SETD1B: variants seen among roughly 807,000 people sequenced by gnomAD.
SETD1B encodes SET domain containing 1B, histone lysine methyltransferase, also known as histone-lysine N-methyltransferase SETD1B.
SETD1B carries 7 observed loss-of-function variants against 148.0 expected under a neutral mutation model. The ratio of observed to expected loss-of-function variants is 0.05; its 90% CI spans 0.03 to 0.09. SETD1B has a LOEUF of 0.09. SETD1B is among the 10% of genes least tolerant of loss of function. SETD1B has a pLI of 1.00. For missense variants in SETD1B, 2,155 were observed against 2,729.9 expected (o/e 0.79, Z 4.69); for synonymous variants, 1,361 against 1,186.5 (o/e 1.15, Z -3.02).
chr12:121,817,734 G>T lies in SETD1B; in HGVS notation c.3312+30G>T, dbSNP rs762943850. The T allele has an allele frequency of 1.1e-5, 17 of 1,537,628 alleles. No individual in the cohort carries two copies. Among genetic ancestry groups the T allele is most frequent in the Non-Finnish European group, 1.5e-5 (17 of 1,137,056 alleles). On this transcript the variant is annotated intron_variant, in intron 9 of 16. Coordinates refer to ENST00000604567, the MANE Select transcript of SETD1B (RefSeq NM_001353345.2). The surrounding 1 kb of genome is among the most constrained non-coding windows in gnomAD (Gnocchi z 8.1). ...CTAGCAGGCCAGGAAGCCTCAGGGG[G>T]CCGGGCCAGGCGACGAGGGCCAGAC...
Position 121,817,580 on chromosome 12 carries a change from C to T in SETD1B, c.3188C>T (p.Ser1063Leu), listed in dbSNP as rs1353740009. 2.0e-5 allele frequency: 31 copies of T among 1,551,070 alleles called. No individual in the cohort carries two copies. The highest frequency in any genetic ancestry group is 2.4e-5 in the Non-Finnish European group (28 of 1,146,590). The change falls in exon 9 of 17, where the codon TCG (serine) becomes TTG (leucine). Residue 1063 changes from serine (S) to leucine (L), a missense_variant. Physicochemically the swap from Ser to Leu is moderately radical, Grantham distance 145. Transcript: ENST00000604567. This position sits in a 1 kb window ranked among gnomAD's most constrained non-coding sequence, Gnocchi z 8.1. The part of the protein sequence containing the change: ...SGSSTTSPSS[S>L]ASDKEEEQES... ...TCCTCAACCACCTCACCCTCGTCCT[C>T]GGCCTCCGACAAGGAGGAGGAACAG...
At chr12:121,813,172 T>C (rs1876121223) in intron 6 of SETD1B, among the ~76,000 whole-genome samples, 1 of 152,180 alleles carries the variant, frequency 6.6e-6, no homozygotes. Context: ...TTATTAACTG[T>C]CAAATGGGTC....
Position 121,830,167 on chromosome 12 carries a change from T to C in SETD1B, c.5829T>C (p.Tyr1943=). ...TCAATGAGGAGATTACCTATGACTA[T>C]AAGTTCCCCATCGAGGACGTCAAGA... ...INVNEEITYD[Y]KFPIEDVKIP... Residue 1943 remains tyrosine, a synonymous_variant, in exon 17 of 17, where the codon TAT becomes TAC. Transcript: ENST00000604567. The surrounding 1 kb of genome is among the most constrained non-coding windows in gnomAD (Gnocchi z 5.7). 1 of 1,551,522 alleles carries C rather than the reference T, an allele frequency of 6.4e-7. No individual in the cohort carries two copies. Among genetic ancestry groups the C allele is most frequent in the Non-Finnish European group, 8.7e-7 (1 of 1,146,890 alleles).
Position 121,830,268 on chromosome 12 carries a change from G to T in SETD1B, c.*29G>T. 1 of 1,542,972 alleles carries T rather than the reference G, an allele frequency of 6.5e-7. No individual in the cohort carries two copies. On this transcript the variant is annotated 3_prime_UTR_variant, in exon 17 of 17. Coordinates refer to ENST00000604567, the MANE Select transcript of SETD1B (RefSeq NM_001353345.2). The surrounding 1 kb of genome is among the most constrained non-coding windows in gnomAD (Gnocchi z 5.7). ...CCGGCACCAGACTCAAAGGATGTCAGCCGTAGCCCTGGGACTCCCGAGCGT... is the reference window on the plus strand; with the variant it reads ...CCGGCACCAGACTCAAAGGATGTCATCCGTAGCCCTGGGACTCCCGAGCGT...
rs545932945 is a variant in SETD1B at position 121,814,516 on chromosome 12, G to A, written c.2301G>A (p.Gln767=). 4 of 1,469,288 alleles carry A rather than the reference G, an allele frequency of 2.7e-6. No individual in the cohort carries two copies. The highest frequency in any genetic ancestry group is 3.6e-6 in the Non-Finnish European group (4 of 1,104,732). 91.0% of individuals were successfully genotyped at this position (1,469,288 alleles called of 1,614,324 possible). A position where few individuals can be genotyped will look rare whatever the true frequency, so the allele number is the denominator to read the frequency against. Residue 767 remains glutamine (Q), a synonymous_variant, in exon 7 of 17, where the codon CAG becomes CAA. Coordinates refer to ENST00000604567, the MANE Select transcript of SETD1B (RefSeq NM_001353345.2). The part of the protein sequence containing the change: ...QVDMSHVLGG[Q]WGGMPMSFQM... The stretch of plus-strand genomic sequence containing the variant: ...ACATGAGCCACGTGCTGGGTGGCCA[G>A]TGGGGCGGCATGCCCATGTCCTTCC...
chr12:121,799,731 T>TGGGGGAG (rs1308261766), upstream of SETD1B: 6 of 31,728 alleles, frequency 1.9e-4, no homozygotes, highest in African/African-American at 5.1e-4. Flanking sequence ...GGGGGGGGGG[T>TGGGGGAG]GGGGTGGGGC....
Position 121,819,743 on chromosome 12 carries a change from C to A in SETD1B, c.3758C>A (p.Pro1253His). 1.3e-6 allele frequency: 2 copies of A among 1,551,378 alleles called. No individual in the cohort carries two copies. The highest frequency in any genetic ancestry group is 4.9e-5 in the East Asian group (2 of 40,916). ...PEERPSMLDE[P>H]PLPVGVEEPA... ...GAGCGGCCCTCCATGCTGGACGAGC[C>A]CCCCTTGCCTGTGGGTGTTGAAGAG... Residue 1253 changes from proline to histidine, a missense_variant, in exon 11 of 17, where the codon CCC becomes CAC. By Grantham distance (77) the Pro-to-His change is moderately conservative (BLOSUM62 -2). Coordinates refer to ENST00000604567, the MANE Select transcript of SETD1B (RefSeq NM_001353345.2).
chr12:121,794,581 A>G, the SETD1B span, among the ~76,000 whole-genome samples: 7 of 152,102 alleles, frequency 4.6e-5, no homozygotes, highest in South Asian at 8.3e-4. Flanking sequence ...CAGCAGCCAC[A>G]TGTCCTTCAT....
rs1350298612 is a variant in SETD1B at position 121,830,286 on chromosome 12, C to T, written c.*47C>T. 5.9e-6 allele frequency: 9 copies of T among 1,521,308 alleles called. No homozygotes were observed. In the African/African-American group the frequency reaches 8.3e-5, roughly 14 times the overall value. The allele number at this position is 1,521,308 out of a possible 1,614,324, so 94.2% of individuals were successfully genotyped here. A position where few individuals can be genotyped will look rare whatever the true frequency, so the allele number is the denominator to read the frequency against. ...GATGTCAGCCGTAGCCCTGGGACTC[C>T]CGAGCGTGGAGCCCCTGGCCCCGGG... On this transcript the variant is annotated 3_prime_UTR_variant, in exon 17 of 17. Transcript: ENST00000604567. The surrounding 1 kb of genome is among the most constrained non-coding windows in gnomAD (Gnocchi z 5.7).
At chr12:121,791,031 G>A in the SETD1B span, among the ~76,000 whole-genome samples, 23 of 147,120 alleles carry the variant, frequency 1.6e-4, no homozygotes, top group East Asian at 6.0e-4. Flanking sequence ...GTGCCAACAC[G>A]CCTGGCTAAT....
chr12:121,831,868 T>G lies in SETD1B; in HGVS notation c.*1629T>G, dbSNP rs1435723099. 1.3e-5 allele frequency: 2 copies of G among 150,996 alleles called. No homozygotes were observed. Among genetic ancestry groups the G allele is most frequent in the East Asian group, 2.0e-4 (1 of 5,082 alleles). 9.4% of individuals were successfully genotyped at this position (150,996 alleles called of 1,614,324 possible). A position where few individuals can be genotyped will look rare whatever the true frequency, so the allele number is the denominator to read the frequency against. ...ATTGTTATTTTTCTCTTTTTTGTTGTTGGTGGTTTTGTTGTGTGTTTTTTG... is the reference window on the plus strand; with the variant it reads ...ATTGTTATTTTTCTCTTTTTTGTTGGTGGTGGTTTTGTTGTGTGTTTTTTG... On this transcript the variant is annotated 3_prime_UTR_variant, in exon 17 of 17. Coordinates refer to ENST00000604567, the MANE Select transcript of SETD1B (RefSeq NM_001353345.2).
chr12:121,817,037 C>T lies in SETD1B; in HGVS notation c.2720C>T (p.Ser907Leu), dbSNP rs911670009. The T allele has an allele frequency of 6.6e-6, 10 of 1,518,372 alleles. No homozygotes were observed. Among genetic ancestry groups the T allele is most frequent in the South Asian group, 3.7e-5 (3 of 81,058 alleles). 94.1% of individuals were successfully genotyped at this position (1,518,372 alleles called of 1,614,324 possible). A position where few individuals can be genotyped will look rare whatever the true frequency, so the allele number is the denominator to read the frequency against. Residue 907 changes from serine (S) to leucine (L), a missense_variant, in exon 8 of 17, where the codon TCG becomes TTG. By Grantham distance (145) the Ser-to-Leu change is moderately radical. Around this residue, in one of 11 missense-constraint regions of SETD1B, gnomAD observed 289 missense variants for 423.7 expected, o/e 0.68. Transcript: ENST00000604567. This position sits in a 1 kb window ranked among gnomAD's most constrained non-coding sequence, Gnocchi z 8.1. ...CCCCTCCTGTCTCCACCCCAGGCCT[C>T]GCTGACCCCGGTGAAGTCGGGCGAG... ...WDKKERMAKA[S>L]LTPVKSGEHK...
intron 10 of SETD1B, among the ~76,000 whole-genome samples, chr12:121,818,796 A>G (rs962058123): frequency 1.5e-4 from 23 of 151,822 alleles, no homozygotes; most frequent in African/African-American, 5.3e-4. Context: ...AGGCTGAGGC[A>G]GGAGAATGGC....
rs1428656479 is a variant in SETD1B, at chr12:121,817,637, A to C, written c.3245A>C (p.Glu1082Ala). The C allele has an allele frequency of 1.3e-6, 2 of 1,546,228 alleles. No homozygotes were observed. Among genetic ancestry groups the C allele is most frequent in the Non-Finnish European group, 1.7e-6 (2 of 1,145,708 alleles). Residue 1082 changes from glutamate (E) to alanine (A), a missense_variant, in exon 9 of 17, where the codon GAG becomes GCG. Glu to Ala is a moderately radical substitution (Grantham distance 107). Coordinates refer to ENST00000604567, the MANE Select transcript of SETD1B (RefSeq NM_001353345.2). The surrounding 1 kb of genome is among the most constrained non-coding windows in gnomAD (Gnocchi z 8.1). ...ACCGAGGAGGAAGAGGAGGCGGAGG[A>C]GGAGGAGGAGGAGGAAGTCCCCAGG... is the stretch of plus-strand genomic sequence containing the variant. ...ESTEEEEEAE[E>A]EEEEEVPRSQ... is the part of the protein sequence containing the mutation.
upstream of SETD1B, chr12:121,800,534 T>C (rs1250077004): frequency 6.6e-6 from 1 of 151,738 alleles, no homozygotes; most frequent in Non-Finnish European, 1.5e-5. Flanking sequence ...GCCGACCCCG[T>C]GGCCCTCGGC....
the SETD1B span, chr12:121,793,352 G>A: frequency 7.0e-7 from 1 of 1,425,962 alleles, no homozygotes; most frequent in South Asian, 1.2e-5. Context: ...CCCTCACCCC[G>A]CTGGGCTCTG....
intron 7 of SETD1B, 68 bp from the exon 8 acceptor site, chr12:121,816,964 TG>T: frequency 2.2e-6 from 3 of 1,377,574 alleles, no homozygotes; most frequent in East Asian, 2.5e-5. Context: ...GCAGGTAGCC[TG>T]GGGAGGGCTC....
chr12:121,801,254 C>G (rs1273553563), upstream of SETD1B: 2 of 152,294 alleles, frequency 1.3e-5, no homozygotes, highest in Non-Finnish European at 2.9e-5. Flanking sequence ...TTAAGCCCCC[C>G]CGTCTCCAAA....
upstream of SETD1B, chr12:121,799,995 G>C: frequency 6.6e-6 from 1 of 152,264 alleles, no homozygotes; most frequent in Admixed American, 6.5e-5. Flanking sequence ...CAGGGCGTTG[G>C]GGGAGAGAGA....
Sources: allele counts gnomAD v4.1 joint callset (sites outside exome capture counted in the v4.1 genomes callset), GRCh38; gene constraint gnomAD v4.1.1; regional missense constraint gnomAD v4.1.1; non-coding constraint Gnocchi (gnomAD v3.1); transcripts MANE v1.5; gene names NCBI Gene and HGNC (gene_info 2026-07-23, HGNC 2026-07-21).